Variants in MATCAP2 observed in about 807,000 individuals in gnomAD.
The protein encoded by MATCAP2 is putative tyrosine carboxypeptidase MATCAP2.
At chr7:36,338,202 G>A in the MATCAP2 span, among the ~76,000 whole-genome samples, 1 of 152,164 alleles carries the variant, frequency 6.6e-6, no homozygotes, top group Non-Finnish European at 1.5e-5. Context: ...TTCTGCATCT[G>A]TTGAATCTCT....
At chr7:36,366,888 G>A in the MATCAP2 span, 2 of 1,471,298 alleles carry the variant, frequency 1.4e-6, no homozygotes, top group Non-Finnish European at 1.8e-6. Flanking sequence ...CCGCACCCCC[G>A]CCGCGGCCAG....
chr7:36,334,949 AAT>A, the MATCAP2 span: 1 of 1,179,794 alleles, frequency 8.5e-7, no homozygotes, highest in Non-Finnish European at 1.2e-6. Context: ...AAGAAAATAA[AAT>A]AAATACTACT....
At chr7:36,331,794 TA>T in the MATCAP2 span, among the ~76,000 whole-genome samples, 16 of 152,320 alleles carry the variant, frequency 1.1e-4, no homozygotes, top group African/African-American at 3.6e-4. Flanking sequence ...GTGTAATTTT[TA>T]AAAAAATTTT....
the MATCAP2 span, among the ~76,000 whole-genome samples, chr7:36,386,052 G>A: frequency 2.6e-5 from 4 of 152,114 alleles, no homozygotes; most frequent in South Asian, 4.1e-4. Context: ...CTACTTGGGA[G>A]GCTGAGGCAG....
the MATCAP2 span, among the ~76,000 whole-genome samples, chr7:36,347,465 T>G: frequency 6.6e-6 from 1 of 152,322 alleles, no homozygotes; most frequent in African/African-American, 2.4e-5. Context: ...GTGGAAACAC[T>G]AGAAGTCAGA....
chr7:36,356,933 T>C, the MATCAP2 span: 3 of 1,614,250 alleles, frequency 1.9e-6, no homozygotes, highest in Middle Eastern at 1.6e-4. Flanking sequence ...TGCGTGGCTA[T>C]GCTTAGCTAA....
At chr7:36,381,823 G>A in the MATCAP2 span, among the ~76,000 whole-genome samples, 1 of 152,146 alleles carries the variant, frequency 6.6e-6, no homozygotes, top group African/African-American at 2.4e-5. Flanking sequence ...AAAGAGGAGA[G>A]TGAAAGTGTA....
chr7:36,384,226 G>T, the MATCAP2 span, among the ~76,000 whole-genome samples: 1 of 152,080 alleles, frequency 6.6e-6, no homozygotes, highest in East Asian at 1.9e-4. Context: ...AGGTCTTGGA[G>T]CAAATACTCA....
At chr7:36,389,711 C>A in the MATCAP2 span, 1 of 302,248 alleles carries the variant, frequency 3.3e-6, no homozygotes, top group Non-Finnish European at 6.0e-6. Flanking sequence ...GGGAGGGGGC[C>A]GGGAAGGAGG....
chr7:36,385,379 T>C, the MATCAP2 span, among the ~76,000 whole-genome samples: 1 of 152,172 alleles, frequency 6.6e-6, no homozygotes, highest in East Asian at 1.9e-4. Flanking sequence ...CCAAGTTGAA[T>C]TGGAATTTGC....
chr7:36,376,971 C>T, the MATCAP2 span, among the ~76,000 whole-genome samples: 1 of 151,826 alleles, frequency 6.6e-6, no homozygotes, highest in Non-Finnish European at 1.5e-5. Context: ...TTCCTCCATC[C>T]TTTATTTTGA....
At chr7:36,326,451 T>C in the MATCAP2 span, 25 of 184,726 alleles carry the variant, frequency 1.4e-4, no homozygotes, top group East Asian at 1.4e-3. Flanking sequence ...GGCCAGTGCT[T>C]ACTGCTCAGG....
chr7:36,361,564 A>G, the MATCAP2 span, among the ~76,000 whole-genome samples: 1 of 152,236 alleles, frequency 6.6e-6, no homozygotes, highest in Admixed American at 6.5e-5. Flanking sequence ...CAAACAAGAT[A>G]AACTTTAATT....
At chr7:36,366,996 C>T in the MATCAP2 span, 25 of 1,315,766 alleles carry the variant, frequency 1.9e-5, no homozygotes, top group South Asian at 5.0e-4. Context: ...AAGGGCCGCG[C>T]AGGGGCGGGC....
the MATCAP2 span, among the ~76,000 whole-genome samples, chr7:36,380,490 G>C: frequency 2.0e-5 from 3 of 152,312 alleles, no homozygotes; most frequent in Middle Eastern, 0.01. Flanking sequence ...AGAACAGTTA[G>C]AGATTAGCAA....
the MATCAP2 span, chr7:36,390,199 CCTG>C: frequency 7.8e-7 from 1 of 1,282,524 alleles, no homozygotes; most frequent in Non-Finnish European, 1.1e-6. Context: ...GCGGCTGCGG[CCTG>C]CTGTGGTTGG....
chr7:36,324,433 C>G, the MATCAP2 span: 1 of 152,118 alleles, frequency 6.6e-6, no homozygotes, highest in South Asian at 2.1e-4. Context: ...TTTGACACAA[C>G]TATTTTTAAA....
the MATCAP2 span, among the ~76,000 whole-genome samples, chr7:36,389,020 C>T: frequency 6.6e-6 from 1 of 152,120 alleles, no homozygotes; most frequent in Non-Finnish European, 1.5e-5. Flanking sequence ...TGGGTGTGAC[C>T]TAGGAAACAA....
the MATCAP2 span, among the ~76,000 whole-genome samples, chr7:36,363,980 T>C: frequency 6.6e-6 from 1 of 152,120 alleles, no homozygotes; most frequent in African/African-American, 2.4e-5. Context: ...GCAAATTTCA[T>C]GTTAATAAGG....
Sources: allele counts gnomAD v4.1 joint callset (sites outside exome capture counted in the v4.1 genomes callset), GRCh38; gene constraint gnomAD v4.1.1; transcripts MANE v1.5; gene names NCBI Gene and HGNC (gene_info 2026-07-23, HGNC 2026-07-21).